The following P2RX7 variants were observed in gnomAD, a reference collection of about 807,000 sequenced individuals.
The protein encoded by P2RX7 is purinergic receptor P2X 7.
P2RX7 carries 62 observed loss-of-function variants against 71.6 expected under a neutral mutation model. The ratio of observed to expected loss-of-function variants is 0.87; its 90% CI spans 0.71 to 1.07. The LOEUF (loss-of-function observed/expected upper bound fraction) is 1.07, where lower values mean the gene tolerates loss of function less well. Ranked by LOEUF, P2RX7 falls within the 50% of genes least tolerant of loss-of-function variation. The pLI is 0.00. For synonymous variants in P2RX7, 299 were observed against 283.3 expected (o/e 1.06, Z -0.56); for missense variants, 686 against 748.5 (o/e 0.92, Z 0.97).
At chr12:121,145,012 G>A (rs1237515159) in intron 1 of P2RX7, among the ~76,000 whole-genome samples, 1 of 152,134 alleles carries the variant, frequency 6.6e-6, no homozygotes, top group Admixed American at 6.5e-5. Flanking sequence ...ATGTTGAATG[G>A]ATGGTTGGAT....
rs1877684867 is a variant in P2RX7 at position 121,152,619 on chromosome 12, A to T, written c.126-2166A>T. Among the ~76,000 whole-genome samples, 3 of 152,186 alleles carry T rather than the reference A, an allele frequency of 2.0e-5. No homozygotes were observed. The South Asian group carries it at 6.2e-4, about 31-fold the overall frequency. ...ACCACAACCTCCATCTCCCAGGTTC[A>T]AGCGATTCTCCTGCCTCAGCCTCCC... On this transcript the variant is annotated intron_variant, in intron 1 of 12. Transcript: ENST00000328963.
chr12:121,185,144 T>A lies in P2RX7; in HGVS notation c.*342T>A, dbSNP rs199966115. 6 of 190,266 alleles carry A rather than the reference T, an allele frequency of 3.2e-5. No individual in the cohort carries two copies. Among genetic ancestry groups the A allele is most frequent in the African/African-American group, 7.1e-5 (3 of 42,434 alleles). The allele number at this position is 190,266 out of a possible 1,614,324, so 11.8% of individuals were successfully genotyped here. A position where few individuals can be genotyped will look rare whatever the true frequency, so the allele number is the denominator to read the frequency against. On this transcript the variant is annotated 3_prime_UTR_variant, in exon 13 of 13. Transcript: ENST00000328963. ...TGCAGTAGCCATGTTAACATGACAT[T>A]TACCAGCAACTTGAACTTCACCTGC...
At chr12:121,144,737 G>A (rs1875765728) in intron 1 of P2RX7, among the ~76,000 whole-genome samples, 1 of 152,164 alleles carries the variant, frequency 6.6e-6, no homozygotes, top group Admixed American at 6.5e-5. Context: ...CTGGACTGGG[G>A]AGGTGATAGA....
intron 12 of P2RX7, among the ~76,000 whole-genome samples, chr12:121,182,285 AC>A (rs1394251067): frequency 1.3e-5 from 2 of 152,200 alleles, no homozygotes; most frequent in East Asian, 3.8e-4. Context: ...AGAAAGACTG[AC>A]CAAAGTGTTT....
intron 1 of P2RX7, among the ~76,000 whole-genome samples, chr12:121,152,765 G>A (rs528974608): frequency 8.5e-5 from 13 of 152,282 alleles, no homozygotes; most frequent in African/African-American, 2.6e-4. Flanking sequence ...TGATCCATCC[G>A]CCTTGGCATC....
At chr12:121,179,931 A>G (rs542271666) in intron 11 of P2RX7, among the ~76,000 whole-genome samples, 5 of 151,670 alleles carry the variant, frequency 3.3e-5, no homozygotes, top group Admixed American at 6.6e-5. Context: ...GGGCGGATCA[A>G]CTGAGGTCAG....
chr12:121,152,125 G>A (rs535251225), intron 1 of P2RX7, among the ~76,000 whole-genome samples: 25 of 151,060 alleles, frequency 1.7e-4, no homozygotes, highest in East Asian at 1.2e-3. Flanking sequence ...GATTACAGGC[G>A]CACACCACCA....
chr12:121,171,553 G>A (rs903250346), intron 8 of P2RX7, among the ~76,000 whole-genome samples: 7 of 151,950 alleles, frequency 4.6e-5, no homozygotes, highest in Admixed American at 2.6e-4. Flanking sequence ...ATCTTGAGAT[G>A]TTTAACTTAA....
chr12:121,183,176 CAA>C (rs34522323), intron 12 of P2RX7, among the ~76,000 whole-genome samples: 23 of 145,502 alleles, frequency 1.6e-4, no homozygotes, highest in South Asian at 6.6e-4. Context: ...GACTCCATCT[CAA>C]AAAAAAAAAA....
Position 121,143,576 on chromosome 12 carries a change from G to A in P2RX7, c.125+10481G>A, listed in dbSNP as rs369690230. On this transcript the variant is annotated intron_variant, in intron 1 of 12. Transcript: ENST00000328963. ...CTGAAAAAAAAAAAATCGGCCAGGCGCGGTGGCTCACGTCTGTAATCCCAG... is the reference window on the plus strand; with the variant it reads ...CTGAAAAAAAAAAAATCGGCCAGGCACGGTGGCTCACGTCTGTAATCCCAG... 2.5e-4 allele frequency among the ~76,000 whole-genome samples: 38 copies of A among 151,256 alleles called. 3 individuals carry two copies. Among genetic ancestry groups the A allele is most frequent in the African/African-American group, 8.0e-4 (33 of 41,232 alleles).
chr12:121,143,539 G>A (rs1019706065), intron 1 of P2RX7, among the ~76,000 whole-genome samples: 3 of 151,112 alleles, frequency 2.0e-5, no homozygotes, highest in African/African-American at 7.3e-5. Context: ...GGGCGACAGA[G>A]TGAGACCCTA....
rs1222418281 is a variant in P2RX7 at position 121,185,920 on chromosome 12, G to GT, written c.*1119dup. ...AAAATACAAAAATTAGCTGGGCATGGTGCGGGCACCTGTAGTCCTAGCTAT... is the reference window on the plus strand; with the variant it reads ...AAAATACAAAAATTAGCTGGGCATGGTTGCGGGCACCTGTAGTCCTAGCTAT... On this transcript the variant is annotated 3_prime_UTR_variant, in exon 13 of 13. Coordinates refer to ENST00000328963, the MANE Select transcript of P2RX7 (RefSeq NM_002562.6). 2 of 152,128 alleles carry GT rather than the reference G, an allele frequency of 1.3e-5. No individual in the cohort carries two copies. The highest frequency in any genetic ancestry group is 4.8e-5 in the African/African-American group (2 of 41,410). The allele number at this position is 152,128 out of a possible 1,614,324, so 9.4% of individuals were successfully genotyped here.
rs184849549 is a variant in P2RX7 at position 121,151,596 on chromosome 12, T to C, written c.126-3189T>C. 2.3e-3 allele frequency among the ~76,000 whole-genome samples: 344 copies of C among 150,754 alleles called. 2 individuals carry two copies. The highest frequency in any genetic ancestry group is 8.0e-3 in the African/African-American group (320 of 40,220). The stretch of plus-strand genomic sequence containing the variant: ...TTTCTACAGCACATATATGTCTACA[T>C]ATATAAAAAATATAATTTTTTATTG... On this transcript the variant is annotated intron_variant, in intron 1 of 12. Transcript: ENST00000328963.
At chr12:121,155,808 AC>A (rs1878458449) in intron 2 of P2RX7, among the ~76,000 whole-genome samples, 1 of 152,008 alleles carries the variant, frequency 6.6e-6, no homozygotes, top group Admixed American at 6.6e-5. Context: ...AAAAACAAAA[AC>A]AAAAACAAAA....
At chr12:121,167,348 G>A in intron 7 of P2RX7, 140 bp from the exon 8 acceptor site, 6 of 874,564 alleles carry the variant, frequency 6.9e-6, no homozygotes, top group South Asian at 3.2e-5. Flanking sequence ...GTGCGAGTTA[G>A]GTGGGGCTGT....
chr12:121,142,590 C>T (rs1367772848), intron 1 of P2RX7, among the ~76,000 whole-genome samples: 3 of 152,132 alleles, frequency 2.0e-5, no homozygotes, highest in Admixed American at 6.5e-5. Context: ...GATCCTCCTG[C>T]GTTGGCCTCC....
chr12:121,140,353 A>G (rs60536863), intron 1 of P2RX7, among the ~76,000 whole-genome samples: 306 of 152,258 alleles, frequency 2.0e-3, no homozygotes, highest in African/African-American at 6.9e-3. Flanking sequence ...GCCACTGAAA[A>G]GTTTTATGCA....
At position 121,184,899 on chromosome 12, in the gene P2RX7, A is replaced by G. The variant is rs1039046069; in HGVS notation, c.*97A>G. On this transcript the variant is annotated 3_prime_UTR_variant, in exon 13 of 13. Transcript: ENST00000328963. The stretch of plus-strand genomic sequence containing the variant: ...CGGGAGTTGGAGACCCGCCTGGCTA[A>G]CAAGGCGAAATCCTGTCTGTACTAA... The G allele has an allele frequency of 1.1e-5, 10 of 930,834 alleles. No individual in the cohort carries two copies. The Admixed American group carries it at 2.5e-4, about 24-fold the overall frequency. The allele number at this position is 930,834 out of a possible 1,614,324, so 57.7% of individuals were successfully genotyped here.
Position 121,184,822 on chromosome 12 carries a change from C to G in P2RX7, c.*20C>G. 2.0e-6 allele frequency: 3 copies of G among 1,512,642 alleles called. No homozygotes were observed. Among genetic ancestry groups the G allele is most frequent in the Non-Finnish European group, 2.7e-6 (3 of 1,121,776 alleles). The allele number at this position is 1,512,642 out of a possible 1,614,324, so 93.7% of individuals were successfully genotyped here. ...TACTGAAGCCAGGCACCGTGGCTCA[C>G]GTCTGTAATCCCAGCGCTTTGGGAG... On this transcript the variant is annotated 3_prime_UTR_variant, in exon 13 of 13. Transcript: ENST00000328963.
Sources: gnomAD v4.1 joint callset for allele counts (sites outside exome capture counted in the v4.1 genomes callset) on GRCh38, gnomAD v4.1.1 for gene constraint, MANE v1.5 for transcripts, NCBI Gene and HGNC (gene_info 2026-07-23, HGNC 2026-07-21) for gene names.